POLD1: variants seen among roughly 807,000 people sequenced by gnomAD.
POLD1 encodes the protein DNA polymerase delta 1, catalytic subunit.
A neutral mutation model predicts 129.7 loss-of-function variants in POLD1; 79 were observed. The ratio of observed to expected loss-of-function variants is 0.61; its 90% CI spans 0.51 to 0.73. POLD1 has a LOEUF of 0.73. Among genes scored for constraint, POLD1 ranks in the 30% least tolerant of loss-of-function variants. POLD1 has a pLI of 0.00. For synonymous variants in POLD1, 714 were observed against 683.3 expected (o/e 1.04, Z -0.70); for missense variants, 1,338 against 1,595.8 (o/e 0.84, Z 2.75).
chr19:50,390,187 G>A (rs1479858649), intron 1 of POLD1, among the ~76,000 whole-genome samples: 1 of 151,246 alleles, frequency 6.6e-6, no homozygotes, highest in African/African-American at 2.4e-5. Flanking sequence ...GGGATTACAG[G>A]TGTGAGCCAC....
At chr19:50,390,511 A>G (rs1456804303) in intron 1 of POLD1, among the ~76,000 whole-genome samples, 1 of 152,014 alleles carries the variant, frequency 6.6e-6, no homozygotes, top group East Asian at 1.9e-4. Context: ...TGTTTCAGCC[A>G]GTCCCTCCTT....
chr19:50,415,861 C>T lies in POLD1; in HGVS notation c.2820+35C>T, dbSNP rs973062009. Reference sequence around the variant, plus strand: ...ACCTGGCTGCCTGCTCCCGCCCAGCCCCCTCGCTCTCACTTCTGCTTTCCG... The same window carrying T: ...ACCTGGCTGCCTGCTCCCGCCCAGCTCCCTCGCTCTCACTTCTGCTTTCCG... On this transcript the variant is annotated intron_variant, in intron 22 of 26. Coordinates refer to ENST00000440232, the MANE Select transcript of POLD1 (RefSeq NM_002691.4). 3.7e-6 allele frequency: 5 copies of T among 1,366,308 alleles called. No homozygotes were observed. In the African/African-American group the frequency reaches 5.8e-5, roughly 16 times the overall value. The allele number at this position is 1,366,308 out of a possible 1,614,324, so 84.6% of individuals were successfully genotyped here. A position where few individuals can be genotyped will look rare whatever the true frequency, so the allele number is the denominator to read the frequency against.
rs753078201 is a variant in POLD1, at chr19:50,401,774, A to C, written c.317-4A>C. On this transcript the variant is annotated splice_polypyrimidine_tract_variant and splice_region_variant and intron_variant, in intron 3 of 26. Transcript: ENST00000440232. ...GGCCGCTGTCTTACCCTGTGACCCC[A>C]CAGGCCCAGCGCAGCCTGTGCCTGG... 1.1e-5 allele frequency: 18 copies of C among 1,609,504 alleles called. No individual in the cohort carries two copies. Among genetic ancestry groups the C allele is most frequent in the Middle Eastern group, 1.8e-4 (1 of 5,676 alleles).
At chr19:50,407,965 G>A (rs2038959136) in intron 14 of POLD1, among the ~76,000 whole-genome samples, 1 of 151,952 alleles carries the variant, frequency 6.6e-6, no homozygotes, top group Non-Finnish European at 1.5e-5. Flanking sequence ...GAGCCCAGGA[G>A]GTGGAGGCTG....
chr19:50,417,974 G>A lies in POLD1; in HGVS notation c.*27G>A, dbSNP rs3218766. On this transcript the variant is annotated 3_prime_UTR_variant, in exon 27 of 27. Coordinates refer to ENST00000440232, the MANE Select transcript of POLD1 (RefSeq NM_002691.4). ...CTTGCAAGCATCCCATGGGGCGGGGGCGGGACCAGGGAGAATTAATAAAGT... is the reference window on the plus strand; with the variant it reads ...CTTGCAAGCATCCCATGGGGCGGGGACGGGACCAGGGAGAATTAATAAAGT... 5.6e-3 allele frequency: 7,676 copies of A among 1,363,274 alleles called. 46 individuals are homozygous for A. The highest frequency in any genetic ancestry group is 7.2e-3 in the Non-Finnish European group (6,924 of 960,974). The allele number at this position is 1,363,274 out of a possible 1,614,324, so 84.4% of individuals were successfully genotyped here. A position where few individuals can be genotyped will look rare whatever the true frequency, so the allele number is the denominator to read the frequency against.
chr19:50,399,293 C>G (rs993233436), intron 2 of POLD1, 78 bp from the exon 3 acceptor site: 8 of 1,280,054 alleles, frequency 6.2e-6, no homozygotes, highest in African/African-American at 1.5e-5. Flanking sequence ...CTGCCTGGCT[C>G]CTTTCAGAAC....
At position 50,403,144 on chromosome 19, in the gene POLD1, G is replaced by GCT. The variant is rs1568622288; in HGVS notation, c.1064_1065dup (p.Thr356SerfsTer38). ...AGCCGGAGCCCTTCCTACGCCTGGCGCTCACCCTGCGGCCCTGTGCCCCCA... is the reference window on the plus strand; with the variant it reads ...AGCCGGAGCCCTTCCTACGCCTGGCGCTCTCACCCTGCGGCCCTGTGCCCCCA... On this transcript the variant is annotated frameshift_variant, in exon 9 of 27. Transcript: ENST00000440232. LOFTEE classifies it high-confidence loss of function. 1 of 1,560,906 alleles carries GCT rather than the reference G, an allele frequency of 6.4e-7. No individual in the cohort carries two copies. Among genetic ancestry groups the GCT allele is most frequent in the Admixed American group, 1.9e-5 (1 of 52,102 alleles).
rs765557862 is a variant in POLD1 at position 50,409,551 on chromosome 19, C to T, written c.2039C>T (p.Pro680Leu). ...GCCGAGCTGGCCAAGGAGACAGACCCCCTCCGGCGCCAGGTCCTGGATGGA... is the reference window on the plus strand; with the variant it reads ...GCCGAGCTGGCCAAGGAGACAGACCTCCTCCGGCGCCAGGTCCTGGATGGA... The part of the protein sequence containing the change: ...AKAELAKETD[P>L]LRRQVLDGRQ... Residue 680 changes from proline to leucine, a missense_variant, in exon 17 of 27, where the codon CCC becomes CTC. Physicochemically the swap from Pro to Leu is moderately conservative, Grantham distance 98. Around this residue, in one of 3 missense-constraint regions of POLD1, gnomAD observed 720 missense variants for 1,002.6 expected, o/e 0.72. Transcript: ENST00000440232. The surrounding 1 kb of genome is among the most constrained non-coding windows in gnomAD (Gnocchi z 5.8). 20 of 1,613,406 alleles carry T rather than the reference C, an allele frequency of 1.2e-5. No individual in the cohort carries two copies. The highest frequency in any genetic ancestry group is 1.1e-4 in the East Asian group (5 of 44,898).
chr19:50,386,569 C>G (rs1436211813), intron 1 of POLD1, among the ~76,000 whole-genome samples: 6 of 152,190 alleles, frequency 3.9e-5, no homozygotes, highest in Non-Finnish European at 7.3e-5. Flanking sequence ...TGTGCAATAA[C>G]GAAAGTGGCA....
rs577799299 is a variant in POLD1 at position 50,409,632 on chromosome 19, A to G, written c.2120A>G (p.Gln707Arg). Residue 707 changes from glutamine to arginine, a missense_variant, in exon 17 of 27, where the codon CAG (glutamine) becomes CGG (arginine). Transcript: ENST00000440232. The surrounding 1 kb of genome is among the most constrained non-coding windows in gnomAD (Gnocchi z 5.8). ...ANSVYGFTGA[Q>R]VGKLPCLEIS... ...TCCGTATACGGCTTCACTGGCGCCC[A>G]GGTGGGCAAGTTGCCGTGCCTGGAG... is the stretch of plus-strand genomic sequence containing the variant. 2 of 1,607,574 alleles carry G rather than the reference A, an allele frequency of 1.2e-6. No individual in the cohort carries two copies. Among genetic ancestry groups the G allele is most frequent in the South Asian group, 2.2e-5 (2 of 90,892 alleles).
At chr19:50,410,212 C>T (rs1381886930) in intron 17 of POLD1, among the ~76,000 whole-genome samples, 4 of 152,180 alleles carry the variant, frequency 2.6e-5, no homozygotes, top group Non-Finnish European at 5.9e-5. Flanking sequence ...CCACAGAGGG[C>T]CTGAGTTTCC....
Position 50,416,589 on chromosome 19 carries a change from C to G in POLD1, c.2954-21C>G, listed in dbSNP as rs998546328. 7.7e-6 allele frequency: 12 copies of G among 1,549,754 alleles called. No homozygotes were observed. The African/African-American group carries it at 9.5e-5, about 12-fold the overall frequency. ...GGGGCAGAGGAGATCACCGGCCCAC[C>G]ACCTGCCTCCTCTCCTGCAGGGGGG... On this transcript the variant is annotated intron_variant, in intron 23 of 26. Coordinates refer to ENST00000440232, the MANE Select transcript of POLD1 (RefSeq NM_002691.4).
At position 50,393,090 on chromosome 19, in the gene POLD1, A is replaced by T. The variant is rs557337035; in HGVS notation, c.-1-5761A>T. The stretch of plus-strand genomic sequence containing the variant: ...ATAAATGCAGTTTTTCTTATGTGAT[A>T]ATATATCTACAGTGTACGTCCCTAG... On this transcript the variant is annotated intron_variant, in intron 1 of 26. Transcript: ENST00000440232. Among the ~76,000 whole-genome samples, 5 of 152,312 alleles carry T rather than the reference A, an allele frequency of 3.3e-5. No homozygotes were observed. In the South Asian group the frequency reaches 1.0e-3, roughly 32 times the overall value.
At chr19:50,400,139 T>C (rs1181689480) in intron 3 of POLD1, among the ~76,000 whole-genome samples, 1 of 119,582 alleles carries the variant, frequency 8.4e-6, no homozygotes, top group South Asian at 2.4e-4. Context: ...AAAGATTTTT[T>C]TTTTTTTTTT....
At position 50,392,453 on chromosome 19, in the gene POLD1, C is replaced by A. The variant is rs138522396; in HGVS notation, c.-1-6398C>A. Among the ~76,000 whole-genome samples the A allele has an allele frequency of 4.9e-3, 747 of 152,094 alleles. 5 individuals carry two copies. Among genetic ancestry groups the A allele is most frequent in the African/African-American group, 0.017 (694 of 41,500 alleles). ...AAAGATTACAGACCAGTGTTGTCAC[C>A]CCTCACCTTGGATTCGTTTGTTTCT... On this transcript the variant is annotated intron_variant, in intron 1 of 26. Transcript: ENST00000440232.
At chr19:50,407,569 A>G (rs923447795) in intron 14 of POLD1, among the ~76,000 whole-genome samples, 154 bp downstream of exon 14, 11 of 150,570 alleles carry the variant, frequency 7.3e-5, no homozygotes, top group Admixed American at 6.6e-4. Context: ...TTTTATTTTT[A>G]TTTTTTTGAG....
Position 50,417,969 on chromosome 19 carries a change from C to A in POLD1, c.*22C>A. On this transcript the variant is annotated 3_prime_UTR_variant, in exon 27 of 27. Coordinates refer to ENST00000440232, the MANE Select transcript of POLD1 (RefSeq NM_002691.4). ...GTGACCTTGCAAGCATCCCATGGGG[C>A]GGGGGCGGGACCAGGGAGAATTAAT... is the stretch of plus-strand genomic sequence containing the variant. 5.3e-6 allele frequency: 6 copies of A among 1,129,914 alleles called. No individual in the cohort carries two copies. Among genetic ancestry groups the A allele is most frequent in the Non-Finnish European group, 4.0e-6 (3 of 745,596 alleles). The allele number at this position is 1,129,914 out of a possible 1,614,324, so 70.0% of individuals were successfully genotyped here. A position where few individuals can be genotyped will look rare whatever the true frequency, so the allele number is the denominator to read the frequency against.
chr19:50,417,386 C>T, intron 26 of POLD1, 117 bp downstream of exon 26: 1 of 673,304 alleles, frequency 1.5e-6, no homozygotes, highest in Non-Finnish European at 2.6e-6. Flanking sequence ...CCGCCCATCC[C>T]CTTCCAGCTG....
chr19:50,416,084 G>T, intron 22 of POLD1: 1 of 576,248 alleles, frequency 1.7e-6, no homozygotes, highest in Non-Finnish European at 3.1e-6. Context: ...GGTTCCCTTG[G>T]ATTCATAATC....
Sources: gnomAD v4.1 joint callset for allele counts (sites outside exome capture counted in the v4.1 genomes callset) on GRCh38, gnomAD v4.1.1 for gene constraint, gnomAD v4.1.1 regional missense constraint, Gnocchi (gnomAD v3.1) non-coding constraint, MANE v1.5 for transcripts, NCBI Gene and HGNC (gene_info 2026-07-23, HGNC 2026-07-21) for gene names.